MRAP2: variants seen among roughly 807,000 people sequenced by gnomAD.
The protein encoded by MRAP2 is melanocortin 2 receptor accessory protein 2.
A neutral mutation model predicts 17.4 loss-of-function variants in MRAP2; 20 were observed. The ratio of observed to expected loss-of-function variants is 1.15; its 90% CI spans 0.81 to 1.67. The LOEUF is 1.67. Ranked by LOEUF, MRAP2 falls within the 40% of genes most tolerant of loss-of-function variation. The probability of loss-of-function intolerance (pLI) is 0.00; values close to 1 mark genes in which losing one functional copy is unlikely to be tolerated. For missense variants in MRAP2, 238 were observed against 240.0 expected, an observed-to-expected ratio of 0.99 and a Z score of 0.05; for synonymous variants, 96 against 88.4, an observed-to-expected ratio of 1.09 and a Z score of -0.48.
intron 1 of MRAP2, among the ~76,000 whole-genome samples, chr6:84,051,775 C>G (rs546584130): frequency 6.6e-6 from 1 of 152,068 alleles, no homozygotes; most frequent in African/African-American, 2.4e-5. Flanking sequence ...GTGTGGGAAC[C>G]TGGGTTGGAG....
the MRAP2 span, among the ~76,000 whole-genome samples, chr6:84,130,088 C>T: frequency 4.6e-5 from 7 of 152,114 alleles, no homozygotes; most frequent in East Asian, 1.9e-4. Flanking sequence ...TGAATTTTGT[C>T]GAAGGCCTCT....
At chr6:84,104,718 A>G in the MRAP2 span, among the ~76,000 whole-genome samples, 2 of 152,084 alleles carry the variant, frequency 1.3e-5, no homozygotes, top group African/African-American at 4.8e-5. Context: ...AATACAAAAA[A>G]TTAGCCAGGC....
chr6:84,063,180 T>C (rs2099493633), intron 3 of MRAP2, 188 bp downstream of exon 3: 5 of 985,290 alleles, frequency 5.1e-6, no homozygotes, highest in African/African-American at 1.7e-5. Context: ...TCTTGCGTCT[T>C]GGGCTTATTT....
At chr6:84,056,745 C>T (rs968117972) in intron 2 of MRAP2, among the ~76,000 whole-genome samples, 1 of 152,176 alleles carries the variant, frequency 6.6e-6, no homozygotes, top group Non-Finnish European at 1.5e-5. Context: ...TGGGCTTTTA[C>T]TGCTTGGTGA....
At chr6:84,108,327 C>G in the MRAP2 span, among the ~76,000 whole-genome samples, 1 of 152,106 alleles carries the variant, frequency 6.6e-6, no homozygotes, top group Non-Finnish European at 1.5e-5. Flanking sequence ...TCTCCACAAC[C>G]TTGCCAGCAT....
the MRAP2 span, among the ~76,000 whole-genome samples, chr6:84,106,032 A>G: frequency 6.6e-6 from 1 of 152,134 alleles, no homozygotes; most frequent in Non-Finnish European, 1.5e-5. Flanking sequence ...GATTCAGAGC[A>G]TCTATAACCT....
At chr6:84,073,872 GT>G (rs1389360624) in intron 3 of MRAP2, among the ~76,000 whole-genome samples, 2 of 134,622 alleles carry the variant, frequency 1.5e-5, no homozygotes, top group Admixed American at 7.1e-5. Flanking sequence ...TGAGATATTT[GT>G]GTGTGTGTGT....
chr6:84,132,098 C>T, the MRAP2 span, among the ~76,000 whole-genome samples: 25 of 152,188 alleles, frequency 1.6e-4, no homozygotes, highest in East Asian at 1.2e-3. Context: ...CCTTCACTTA[C>T]GAAGCTTAGT....
At chr6:84,136,050 C>A in the MRAP2 span, among the ~76,000 whole-genome samples, 1 of 152,174 alleles carries the variant, frequency 6.6e-6, no homozygotes, top group African/African-American at 2.4e-5. Context: ...ATCCTGGGCA[C>A]TGTGTCTTAA....
chr6:84,053,816 A>G (rs1175397762), intron 1 of MRAP2, among the ~76,000 whole-genome samples: 1 of 152,208 alleles, frequency 6.6e-6, no homozygotes, highest in Non-Finnish European at 1.5e-5. Context: ...GGGATTGGCA[A>G]ACTTTTTCTA....
At chr6:84,067,188 A>G (rs2099494959) in intron 3 of MRAP2, among the ~76,000 whole-genome samples, 1 of 152,200 alleles carries the variant, frequency 6.6e-6, no homozygotes, top group Non-Finnish European at 1.5e-5. Context: ...CTCCAGTCCC[A>G]TCCAGATTGC....
chr6:84,082,615 C>T (rs1027032721), intron 3 of MRAP2, among the ~76,000 whole-genome samples: 1 of 152,144 alleles, frequency 6.6e-6, no homozygotes. Flanking sequence ...TCTCTCTCTC[C>T]TGCTTACCAG....
rs111362947 is a variant in MRAP2, at chr6:84,044,377, A to G, written c.-8+10494A>G. The stretch of plus-strand genomic sequence containing the variant: ...AATTTTTGTATTTTTAGTAGAGACG[A>G]GGTTTCTCCATGTTGGTCAGGCTGG... On this transcript the variant is annotated intron_variant, in intron 1 of 3. Transcript: ENST00000257776. Among the ~76,000 whole-genome samples, 978 of 152,220 alleles carry G rather than the reference A, an allele frequency of 6.4e-3. 16 individuals are homozygous for G. The highest frequency in any genetic ancestry group is 0.022 in the African/African-American group (915 of 41,538).
intron 3 of MRAP2, among the ~76,000 whole-genome samples, chr6:84,074,069 A>G (rs1042356111): frequency 6.6e-6 from 1 of 152,174 alleles, no homozygotes; most frequent in African/African-American, 2.4e-5. Flanking sequence ...AGCATCCCTC[A>G]GTAAAGATGA....
intron 1 of MRAP2, among the ~76,000 whole-genome samples, chr6:84,036,742 A>G (rs1438706472): frequency 6.6e-6 from 1 of 152,166 alleles, no homozygotes; most frequent in African/African-American, 2.4e-5. Context: ...CATCCTGCTG[A>G]TTGGTCTACT....
chr6:84,038,506 G>A (rs187596986), intron 1 of MRAP2, among the ~76,000 whole-genome samples: 3 of 150,436 alleles, frequency 2.0e-5, no homozygotes, highest in African/African-American at 7.4e-5. Flanking sequence ...TTATTCATTT[G>A]AGACAAAGTC....
chr6:84,065,999 T>G (rs1299804660), intron 3 of MRAP2, among the ~76,000 whole-genome samples: 1 of 140,334 alleles, frequency 7.1e-6, no homozygotes, highest in Admixed American at 7.0e-5. Context: ...AACTCTCTCT[T>G]TATAAACACA....
intron 1 of MRAP2, among the ~76,000 whole-genome samples, chr6:84,045,790 A>G (rs2099488871): frequency 6.6e-6 from 1 of 152,144 alleles, no homozygotes; most frequent in Admixed American, 6.5e-5. Context: ...AGACACACAC[A>G]CACAATGTGT....
chr6:84,033,746 T>G, upstream of MRAP2: 1 of 985,446 alleles, frequency 1.0e-6, no homozygotes, highest in African/African-American at 1.7e-5. Flanking sequence ...AGCGCGCGTC[T>G]CCGCCGCACC....
Sources: allele counts gnomAD v4.1 joint callset (sites outside exome capture counted in the v4.1 genomes callset), GRCh38; gene constraint gnomAD v4.1.1; transcripts MANE v1.5; gene names NCBI Gene and HGNC (gene_info 2026-07-23, HGNC 2026-07-21).